Variants in IFT88 observed in about 807,000 individuals in gnomAD.
IFT88 encodes the protein intraflagellar transport protein 88 homolog.
In IFT88, 74 loss-of-function variants were observed where a neutral mutation model predicts 119.5. The ratio of observed to expected loss-of-function variants is 0.62; its 90% CI spans 0.51 to 0.75. IFT88 has a LOEUF of 0.75. Among genes scored for constraint, IFT88 ranks in the 30% least tolerant of loss-of-function variants. The probability of loss-of-function intolerance (pLI) is 0.00; values close to 1 mark genes in which losing one functional copy is unlikely to be tolerated. For synonymous variants in IFT88, 279 were observed against 316.7 expected, an observed-to-expected ratio of 0.88 and a Z score of 1.26; for missense variants, 961 against 977.7, an observed-to-expected ratio of 0.98 and a Z score of 0.23.
At chr13:20,652,668 A>G (rs919657937) in intron 20 of IFT88, among the ~76,000 whole-genome samples, 1 of 152,150 alleles carries the variant, frequency 6.6e-6, no homozygotes, top group African/African-American at 2.4e-5. Context: ...AAGTTCAAAA[A>G]CAGGCTAGAT....
chr13:20,684,410 GCT>G (rs1566483073), intron 24 of IFT88, among the ~76,000 whole-genome samples: 1 of 152,128 alleles, frequency 6.6e-6, no homozygotes, highest in Non-Finnish European at 1.5e-5. Context: ...AAGCAAACCT[GCT>G]CTGTCATCTC....
chr13:20,568,193 G>T (rs1721503474), intron 1 of IFT88, among the ~76,000 whole-genome samples: 1 of 151,804 alleles, frequency 6.6e-6, no homozygotes, highest in Non-Finnish European at 1.5e-5. Flanking sequence ...AAAAAAAAAG[G>T]TTTTGCCAGC....
At chr13:20,603,830 C>T (rs2042994050) in intron 12 of IFT88, among the ~76,000 whole-genome samples, 1 of 151,986 alleles carries the variant, frequency 6.6e-6, no homozygotes. Flanking sequence ...CCGAGGAGGT[C>T]AAGGCTGCAG....
At chr13:20,569,995 C>A (rs1040823199) in intron 1 of IFT88, among the ~76,000 whole-genome samples, 2 of 150,884 alleles carry the variant, frequency 1.3e-5, no homozygotes, top group African/African-American at 4.9e-5. Flanking sequence ...CAGTGAGCCG[C>A]GCCACTGCCC....
At chr13:20,614,504 C>G (rs1002276196) in intron 13 of IFT88, 2 of 151,970 alleles carry the variant, frequency 1.3e-5, no homozygotes, top group Non-Finnish European at 2.9e-5. Context: ...ATATATAACA[C>G]TCTTAAAATG....
At chr13:20,570,696 G>A (rs894136529) in intron 1 of IFT88, among the ~76,000 whole-genome samples, 1 of 152,140 alleles carries the variant, frequency 6.6e-6, no homozygotes, top group African/African-American at 2.4e-5. Context: ...CAGGGACTGG[G>A]GAAAGGGAAG....
rs563896223 is a variant in IFT88, at chr13:20,581,498, C to T, written c.91-1459C>T. ...GAAGGTTACCTTTGGATTTATACTTCATTCAAAAGTCTTTAGTTTCTATGG... is the reference window on the plus strand; with the variant it reads ...GAAGGTTACCTTTGGATTTATACTTTATTCAAAAGTCTTTAGTTTCTATGG... On this transcript the variant is annotated intron_variant, in intron 2 of 25. Transcript: ENST00000351808. Among the ~76,000 whole-genome samples, 20 of 152,196 alleles carry T rather than the reference C, an allele frequency of 1.3e-4. No homozygotes were observed. In the South Asian group the frequency reaches 2.9e-3, roughly 22 times the overall value.
intron 20 of IFT88, among the ~76,000 whole-genome samples, chr13:20,652,269 CATTGT>C (rs1227946210): frequency 6.6e-6 from 1 of 152,012 alleles, no homozygotes; most frequent in African/African-American, 2.4e-5. Context: ...ACACTAAAAC[CATTGT>C]ATTGTGTCCT....
chr13:20,570,518 ATTT>A (rs1690049254), intron 1 of IFT88, among the ~76,000 whole-genome samples: 5 of 152,366 alleles, frequency 3.3e-5, no homozygotes, highest in African/African-American at 1.2e-4. Flanking sequence ...TTGCAGATGT[ATTT>A]AGCCATAAAA....
chr13:20,621,526 T>TTA lies in IFT88; in HGVS notation c.1200-4224_1200-4223insTA, dbSNP rs1476682272. Among the ~76,000 whole-genome samples, 78 of 130,782 alleles carry TTA rather than the reference T, an allele frequency of 6.0e-4. 2 individuals are homozygous for TTA. The highest frequency in any genetic ancestry group is 1.3e-3 in the African/African-American group (40 of 31,552). 85.8% of individuals were successfully genotyped at this position (130,782 alleles called of 152,430 possible). On this transcript the variant is annotated intron_variant, in intron 14 of 25. Coordinates refer to ENST00000351808, the MANE Select transcript of IFT88 (RefSeq NM_006531.5). Reference sequence around the variant, plus strand: ...TCAATTTTCCCAAAACCTGCTGAGATAAAAAAAAAAAAAAAAAAAAAAAAA... The same window carrying TTA: ...TCAATTTTCCCAAAACCTGCTGAGATTAAAAAAAAAAAAAAAAAAAAAAAAAA...
chr13:20,653,579 C>CT (rs1160711531), intron 20 of IFT88, among the ~76,000 whole-genome samples: 2 of 149,612 alleles, frequency 1.3e-5, no homozygotes, highest in East Asian at 4.3e-4. Context: ...AGTAATGATC[C>CT]TTTAAGTTTA....
intron 1 of IFT88, among the ~76,000 whole-genome samples, chr13:20,571,615 A>G (rs946912296): frequency 1.3e-5 from 2 of 152,198 alleles, no homozygotes; most frequent in South Asian, 4.1e-4. Flanking sequence ...TTTATTTGGG[A>G]AGAAAGAATT....
Position 20,625,764 on chromosome 13 carries a change from T to G in IFT88, c.1214T>G (p.Val405Gly). The part of the protein sequence containing the change: ...AAGYDWCVEV[V>G]KASQYVELAN... Reference sequence around the variant, plus strand: ...TTCCCTTATAGGTGCGTGGAAGTGGTGAAAGCTTCTCAATATGTAGAGCTA... The same window carrying G: ...TTCCCTTATAGGTGCGTGGAAGTGGGGAAAGCTTCTCAATATGTAGAGCTA... Residue 405 changes from valine (V) to glycine (G), a missense_variant, in exon 15 of 26, where the codon GTG (valine) becomes GGG (glycine). Val to Gly is a moderately radical substitution (Grantham distance 109). Transcript: ENST00000351808. 1 of 1,602,692 alleles carries G rather than the reference T, an allele frequency of 6.2e-7. No homozygotes were observed. Among genetic ancestry groups the G allele is most frequent in the Non-Finnish European group, 8.5e-7 (1 of 1,176,076 alleles).
intron 17 of IFT88, 31 bp from the exon 18 acceptor site, chr13:20,641,259 T>C (rs763878568): frequency 3.9e-5 from 47 of 1,211,210 alleles, no homozygotes; most frequent in Middle Eastern, 4.0e-4. Flanking sequence ...ATGATACTTA[T>C]AGATTTTCTT....
At chr13:20,577,130 A>G in intron 2 of IFT88, among the ~76,000 whole-genome samples, 1 of 152,196 alleles carries the variant, frequency 6.6e-6, no homozygotes, top group Non-Finnish European at 1.5e-5. Context: ...TAGATATTCT[A>G]AATGGGATTA....
At position 20,643,477 on chromosome 13, in the gene IFT88, A is replaced by G. The variant is rs1455309085; in HGVS notation, c.1705A>G (p.Ser569Gly). Reference sequence around the variant, plus strand: ...AAGATATGAATTAATGGAAAATCCCAGTCAAGCTATTGAATGGCTAATGCA... The same window carrying G: ...AAGATATGAATTAATGGAAAATCCCGGTCAAGCTATTGAATGGCTAATGCA... ...ANIYELMENP[S>G]QAIEWLMQVV... Residue 569 changes from serine (S) to glycine (G), a missense_variant, in exon 19 of 26, where the codon AGT becomes GGT. Coordinates refer to ENST00000351808, the MANE Select transcript of IFT88 (RefSeq NM_006531.5). The G allele has an allele frequency of 6.2e-7, 1 of 1,603,226 alleles. No individual in the cohort carries two copies. The highest frequency in any genetic ancestry group is 1.3e-5 in the African/African-American group (1 of 74,240).
At chr13:20,647,943 A>G (rs1021986109) in intron 20 of IFT88, among the ~76,000 whole-genome samples, 7 of 152,356 alleles carry the variant, frequency 4.6e-5, no homozygotes, top group African/African-American at 1.4e-4. Context: ...CTCGACAGCA[A>G]CAAGAGAAAA....
rs55652116 is a variant in IFT88, at chr13:20,610,104, G to GTTT, written c.1112+5009_1112+5011dup. Among the ~76,000 whole-genome samples, 182 of 146,874 alleles carry GTTT rather than the reference G, an allele frequency of 1.2e-3. 1 individual carries two copies. Among genetic ancestry groups the GTTT allele is most frequent in the African/African-American group, 4.5e-3 (179 of 40,014 alleles). On this transcript the variant is annotated intron_variant, in intron 13 of 25. Transcript: ENST00000351808. ...GTAACACTGCTTATGCTTGACTGCT[G>GTTT]TTTTTTTTTTTTGTCTTTTGTTTGC...
At chr13:20,596,009 T>C (rs1026503042) in intron 7 of IFT88, 141 bp from the exon 8 acceptor site, 12 of 230,350 alleles carry the variant, frequency 5.2e-5, no homozygotes, top group African/African-American at 2.5e-4. Context: ...GAGCTATGAT[T>C]GTGCCACTGC....
Sources: gnomAD v4.1 joint callset for allele counts (sites outside exome capture counted in the v4.1 genomes callset) on GRCh38, gnomAD v4.1.1 for gene constraint, MANE v1.5 for transcripts, NCBI Gene and HGNC (gene_info 2026-07-23, HGNC 2026-07-21) for gene names.